The following RNF150 variants were observed in gnomAD, a reference collection of about 807,000 sequenced individuals.
RNF150 encodes ring finger protein 150.
In RNF150, 24 loss-of-function variants were observed where a neutral mutation model predicts 39.3. The observed-to-expected ratio is 0.61, with a 90% CI of 0.44 to 0.86. The LOEUF (loss-of-function observed/expected upper bound fraction) is 0.86, where lower values mean the gene tolerates loss of function less well. RNF150 is among the 40% of genes least tolerant of loss of function. The pLI is 0.00. For synonymous variants in RNF150, 255 were observed against 227.3 expected, an observed-to-expected ratio of 1.12 and a Z score of -1.10; for missense variants, 502 against 587.8, an observed-to-expected ratio of 0.85 and a Z score of 1.51.
chr4:140,905,072 T>A (rs1730325458), intron 6 of RNF150, among the ~76,000 whole-genome samples: 1 of 152,166 alleles, frequency 6.6e-6, no homozygotes, highest in South Asian at 2.1e-4. Flanking sequence ...GGAGTATGTG[T>A]CCCTGGAAAG....
At chr4:140,883,965 A>G (rs1463708539) in intron 6 of RNF150, among the ~76,000 whole-genome samples, 2 of 150,092 alleles carry the variant, frequency 1.3e-5, no homozygotes, top group Non-Finnish European at 3.0e-5. Flanking sequence ...GGCTTTCTTT[A>G]TTGTACTTCA....
intron 1 of RNF150, among the ~76,000 whole-genome samples, chr4:141,078,977 C>T (rs1738046831): frequency 6.6e-6 from 1 of 150,730 alleles, no homozygotes; most frequent in Non-Finnish European, 1.5e-5. Context: ...ATAAGAAAGC[C>T]TTTTTCCACT....
At chr4:140,933,149 C>T (rs1731716272) in intron 4 of RNF150, among the ~76,000 whole-genome samples, 1 of 152,152 alleles carries the variant, frequency 6.6e-6, no homozygotes. Flanking sequence ...ACAACATGCA[C>T]AGTGACAGGT....
intron 1 of RNF150, among the ~76,000 whole-genome samples, chr4:141,118,951 G>A (rs1726523874): frequency 6.6e-6 from 1 of 152,088 alleles, no homozygotes; most frequent in Non-Finnish European, 1.5e-5. Flanking sequence ...AGTAGAAACA[G>A]GGTTTTGCCT....
chr4:141,164,473 G>A (rs1019025905), intron 1 of RNF150, among the ~76,000 whole-genome samples: 1 of 152,010 alleles, frequency 6.6e-6, no homozygotes, highest in African/African-American at 2.4e-5. Flanking sequence ...GATACTCATC[G>A]AGCAAAGCAA....
chr4:141,211,207 G>A (rs1477632902), intron 1 of RNF150, among the ~76,000 whole-genome samples: 3 of 151,928 alleles, frequency 2.0e-5, no homozygotes, highest in Non-Finnish European at 2.9e-5. Context: ...TGTTTACTTA[G>A]TGTCTAAATA....
chr4:141,042,151 GA>G (rs1251824809), intron 1 of RNF150, among the ~76,000 whole-genome samples: 1 of 151,832 alleles, frequency 6.6e-6, no homozygotes, highest in African/African-American at 2.4e-5. Context: ...ATAAAGTGAG[GA>G]AAAAAATCAA....
chr4:141,025,209 A>T (rs954922054), intron 1 of RNF150, among the ~76,000 whole-genome samples: 8 of 152,196 alleles, frequency 5.3e-5, no homozygotes, highest in Non-Finnish European at 8.8e-5. Flanking sequence ...AGGAAATGCC[A>T]AAAACACAAG....
At chr4:141,177,396 T>C (rs764583978) in intron 1 of RNF150, among the ~76,000 whole-genome samples, 2 of 152,110 alleles carry the variant, frequency 1.3e-5, no homozygotes, top group Non-Finnish European at 2.9e-5. Context: ...ATTAGGTACA[T>C]TGGTGTAGAA....
rs144258026 is a variant in RNF150 at position 140,863,712 on chromosome 4, G to A, written c.*4549C>T. On this transcript the variant is annotated 3_prime_UTR_variant, in exon 7 of 7. Transcript: ENST00000515673. ...CAGACAGAAAAGGAAAAGAAACTTA[G>A]AGAAGATATAAAAATGCTACTGGAA... 36 of 152,304 alleles carry A rather than the reference G, an allele frequency of 2.4e-4. 1 individual carries two copies. The highest frequency in any genetic ancestry group is 6.7e-4 in the African/African-American group (28 of 41,576). 9.4% of individuals were successfully genotyped at this position (152,304 alleles called of 1,614,324 possible).
rs78634984 is a variant in RNF150, at chr4:141,079,518, T to C, written c.484+52807A>G. ...TTACTTAGCCTCTCTGAGCTTCAAT[T>C]TCCTCATGTAAAAAATAATATGTAA... On this transcript the variant is annotated intron_variant, in intron 1 of 6. Coordinates refer to ENST00000515673, the MANE Select transcript of RNF150 (RefSeq NM_020724.2). 3.7e-4 allele frequency among the ~76,000 whole-genome samples: 57 copies of C among 152,330 alleles called. No homozygotes were observed. The East Asian group carries it at 9.9e-3, about 26-fold the overall frequency.
chr4:141,018,449 G>GA (rs981081925), intron 1 of RNF150, among the ~76,000 whole-genome samples: 5 of 151,922 alleles, frequency 3.3e-5, no homozygotes, highest in Non-Finnish European at 7.4e-5. Flanking sequence ...CTTTCTTACT[G>GA]AAAAAAAGCC....
At chr4:140,915,704 C>G (rs1456146778) in intron 5 of RNF150, among the ~76,000 whole-genome samples, 1 of 152,218 alleles carries the variant, frequency 6.6e-6, no homozygotes, top group Admixed American at 6.5e-5. Flanking sequence ...AGTAGTGGTT[C>G]TCCCAGCATG....
At chr4:141,199,070 AACAG>A (rs1728250396) in intron 1 of RNF150, among the ~76,000 whole-genome samples, 1 of 152,224 alleles carries the variant, frequency 6.6e-6, no homozygotes, top group Non-Finnish European at 1.5e-5. Flanking sequence ...AACAGATTTG[AACAG>A]ACACTTTACC....
chr4:140,868,817 A>G (rs544931079), intron 6 of RNF150, among the ~76,000 whole-genome samples: 2 of 152,332 alleles, frequency 1.3e-5, no homozygotes, highest in East Asian at 3.9e-4. Context: ...AAAGCTTTTA[A>G]ATCAATAAGA....
In RNF150 at chr4:141,104,780, A is replaced by G. The variant is rs534933094; in HGVS notation, c.484+27545T>C. 7.0e-4 allele frequency among the ~76,000 whole-genome samples: 107 copies of G among 152,238 alleles called. 1 individual carries two copies. The highest frequency in any genetic ancestry group is 1.3e-3 in the Non-Finnish European group (90 of 68,042). On this transcript the variant is annotated intron_variant, in intron 1 of 6. Transcript: ENST00000515673. ...CAATCATTCAAAACATGAAGATTCT[A>G]AAGTACACCAGTTTATACATTTGTG...
At chr4:141,160,784 T>A (rs1727497015) in intron 1 of RNF150, among the ~76,000 whole-genome samples, 1 of 152,242 alleles carries the variant, frequency 6.6e-6, no homozygotes, top group Admixed American at 6.5e-5. Context: ...CCATTTCACC[T>A]TCTGCCGTGA....
Position 141,132,582 on chromosome 4 carries a change from C to G in RNF150, c.227G>C (p.Arg76Pro), listed in dbSNP as rs1189165298. The change falls in exon 1 of 7, where the codon CGC becomes CCC. Residue 76 changes from arginine to proline, a missense_variant. By Grantham distance (103) the Arg-to-Pro change is moderately radical. Transcript: ENST00000515673. The surrounding 1 kb of genome is among the most constrained non-coding windows in gnomAD (Gnocchi z 4.9). ...ELHTEKTECG[R>P]YGEHSPKQDA... Reference sequence around the variant, plus strand: ...CTGCTTGGGCGAGTGCTCTCCGTAGCGCCCGCACTCCGTCTTCTCCGTGTG... The same window carrying G: ...CTGCTTGGGCGAGTGCTCTCCGTAGGGCCCGCACTCCGTCTTCTCCGTGTG... 2 of 1,575,244 alleles carry G rather than the reference C, an allele frequency of 1.3e-6. No individual in the cohort carries two copies. Among genetic ancestry groups the G allele is most frequent in the Non-Finnish European group, 1.7e-6 (2 of 1,161,228 alleles).
intron 1 of RNF150, among the ~76,000 whole-genome samples, chr4:141,162,259 A>AG: frequency 6.6e-6 from 1 of 152,156 alleles, no homozygotes; most frequent in East Asian, 1.9e-4. Flanking sequence ...ATTATTTTGG[A>AG]TCTTTAAGAT....
Sources: gnomAD v4.1 joint callset for allele counts (sites outside exome capture counted in the v4.1 genomes callset) on GRCh38, gnomAD v4.1.1 for gene constraint, Gnocchi (gnomAD v3.1) non-coding constraint, MANE v1.5 for transcripts, NCBI Gene and HGNC (gene_info 2026-07-23, HGNC 2026-07-21) for gene names.